Variants in HEATR1 observed in about 807,000 individuals in gnomAD.
HEATR1 encodes the protein HEAT repeat containing 1.
In HEATR1, 77 loss-of-function variants were observed where a neutral mutation model predicts 248.2. The observed-to-expected ratio is 0.31, with a 90% CI of 0.26 to 0.37. The LOEUF is 0.37. Ranked by LOEUF, HEATR1 falls within the 10% of genes least tolerant of loss-of-function variation. HEATR1 has a pLI of 1.00. For missense variants in HEATR1, 2,420 were observed against 2,504.9 expected (o/e 0.97, Z 0.72); for synonymous variants, 897 against 923.1 (o/e 0.97, Z 0.51).
At chr1:236,589,657 A>T (rs1221053299) in intron 12 of HEATR1, among the ~76,000 whole-genome samples, 5 of 152,212 alleles carry the variant, frequency 3.3e-5, no homozygotes, top group Admixed American at 1.3e-4. Context: ...AATTGCTATG[A>T]CACAAGTTCT....
chr1:236,564,408 G>A, intron 32 of HEATR1, 90 bp downstream of exon 32: 2 of 1,124,702 alleles, frequency 1.8e-6, no homozygotes, highest in Non-Finnish European at 2.5e-6. Flanking sequence ...ATTTTCATGA[G>A]CCATTTACCA....
chr1:236,566,796 C>T lies in HEATR1; in HGVS notation c.4158G>A (p.Ala1386=), dbSNP rs201057500. 1.7e-5 allele frequency: 28 copies of T among 1,614,064 alleles called. No homozygotes were observed. Among genetic ancestry groups the T allele is most frequent in the African/African-American group, 1.2e-4 (9 of 75,020 alleles). ...VVKIISVFVD[A]LPHVPEHRRL... is the part of the protein sequence containing the mutation. ...GCCTGTGCTCCGGGACGTGTGGCAG[C>T]GCATCCACAAATACACTAATGATTT... is the stretch of plus-strand genomic sequence containing the variant. The change falls in exon 30 of 45, where the codon GCG becomes GCA. Residue 1386 remains alanine, a synonymous_variant. Coordinates refer to ENST00000366582, the MANE Select transcript of HEATR1 (RefSeq NM_018072.6).
At chr1:236,594,984 G>C (rs1017683023) in intron 8 of HEATR1, among the ~76,000 whole-genome samples, 1 of 152,040 alleles carries the variant, frequency 6.6e-6, no homozygotes, top group Non-Finnish European at 1.5e-5. Context: ...TATTTTTGTA[G>C]AGACGGGGTT....
intron 12 of HEATR1, 36 bp downstream of exon 12, chr1:236,590,811 A>C (rs750032705): frequency 2.5e-6 from 3 of 1,176,928 alleles, no homozygotes; most frequent in Non-Finnish European, 3.5e-6. Flanking sequence ...CATCATAAGA[A>C]AAAAAAACCA....
At chr1:236,559,527 TAAGG>T (rs2103126530) in intron 34 of HEATR1, among the ~76,000 whole-genome samples, 183 bp downstream of exon 34, 1 of 152,350 alleles carries the variant, frequency 6.6e-6, no homozygotes, top group South Asian at 2.1e-4. Flanking sequence ...TCATAACTGG[TAAGG>T]AAACAATTTT....
intron 31 of HEATR1, among the ~76,000 whole-genome samples, chr1:236,565,357 A>G (rs560266210): frequency 1.3e-5 from 2 of 152,264 alleles, no homozygotes; most frequent in East Asian, 1.9e-4. Context: ...GCGTCTTACT[A>G]TGTTGCTCAG....
Position 236,549,324 on chromosome 1 carries a change from T to A in HEATR1, c.*1578A>T, listed in dbSNP as rs1243326371. 1 of 208,902 alleles carries A rather than the reference T, an allele frequency of 4.8e-6. No homozygotes were observed. The highest frequency in any genetic ancestry group is 9.5e-6 in the Non-Finnish European group (1 of 105,704). The allele number at this position is 208,902 out of a possible 1,614,324, so 12.9% of individuals were successfully genotyped here. ...TTGAGGGGAGTTGGCAGAAGTTCCA[T>A]GTATATGGGATCTTTACAGGTCAGA... is the stretch of plus-strand genomic sequence containing the variant. On this transcript the variant is annotated 3_prime_UTR_variant, in exon 45 of 45. Transcript: ENST00000366582.
chr1:236,558,061 C>T (rs561396899), intron 36 of HEATR1, among the ~76,000 whole-genome samples, 176 bp downstream of exon 36: 1 of 152,124 alleles, frequency 6.6e-6, no homozygotes, highest in African/African-American at 2.4e-5. Flanking sequence ...GCCTTGGCCT[C>T]CCAAAGTGGT....
intron 35 of HEATR1, 146 bp from the exon 36 acceptor site, chr1:236,558,675 T>C: frequency 1.2e-6 from 1 of 828,432 alleles, no homozygotes. Context: ...ATGTGCATGT[T>C]CTAGCCAGTG....
At chr1:236,551,905 T>C in intron 44 of HEATR1, 94 bp downstream of exon 44, 1 of 819,758 alleles carries the variant, frequency 1.2e-6, no homozygotes, top group South Asian at 1.5e-5. Context: ...AGTCACGTTA[T>C]ATCCAAATCT....
At chr1:236,566,565 C>T (rs1231567198) in intron 30 of HEATR1, 81 bp downstream of exon 30, 1 of 994,012 alleles carries the variant, frequency 1.0e-6, no homozygotes, top group African/African-American at 1.6e-5. Flanking sequence ...GCATCATCAG[C>T]CCCATGTTTA....
intron 21 of HEATR1, 27 bp from the exon 22 acceptor site, chr1:236,576,404 A>T (rs751039406): frequency 5.3e-6 from 8 of 1,509,742 alleles, no homozygotes; most frequent in Non-Finnish European, 5.4e-6. Context: ...AAAATTGGAT[A>T]AAAAAGGGTT....
Position 236,553,685 on chromosome 1 carries a change from G to C in HEATR1, c.6133C>G (p.Leu2045Val), listed in dbSNP as rs139022059. The change falls in exon 43 of 45, where the codon CTG (leucine) becomes GTG (valine). Residue 2045 changes from leucine to valine, a missense_variant. Transcript: ENST00000366582. ...EKFQERVTKH[L>V]IPCIAQFSVA... ...GAAAACTGTGCGATGCATGGTATCAGGTGCTTTGTCACCCGTTCCTGGAAT... is the reference window on the plus strand; with the variant it reads ...GAAAACTGTGCGATGCATGGTATCACGTGCTTTGTCACCCGTTCCTGGAAT... The C allele has an allele frequency of 8.7e-6, 14 of 1,613,684 alleles. No individual in the cohort carries two copies. The highest frequency in any genetic ancestry group is 6.7e-5 in the African/African-American group (5 of 74,902).
Position 236,576,917 on chromosome 1 carries a change from G to A in HEATR1, c.2788C>T (p.Pro930Ser), listed in dbSNP as rs756136936. 6.8e-6 allele frequency: 11 copies of A among 1,609,664 alleles called. No homozygotes were observed. The highest frequency in any genetic ancestry group is 1.7e-5 in the Admixed American group (1 of 59,154). The change falls in exon 21 of 45, where the codon CCC (proline) becomes TCC (serine). Residue 930 changes from proline to serine, a missense_variant. Physicochemically the swap from Pro to Ser is moderately conservative, Grantham distance 74 (BLOSUM62 -1). Transcript: ENST00000366582. ...GCAGCCCTACGAACTTCTTTTACGG[G>A]GCTTCCCAGGTTAATGAGTAAAGAT... ...VTSLLINLGS[P>S]VKEVRRAAIQ...
chr1:236,567,678 T>C lies in HEATR1; in HGVS notation c.4078-802A>G, dbSNP rs530906019. Among the ~76,000 whole-genome samples the C allele has an allele frequency of 4.6e-5, 7 of 151,992 alleles. No homozygotes were observed. In the East Asian group the frequency reaches 1.4e-3, roughly 29 times the overall value. On this transcript the variant is annotated intron_variant, in intron 29 of 44. Transcript: ENST00000366582. ...GACCCAAGATCATGCCATTGCACTC[T>C]AGCCTGGGCAACAAGAGCAAAACTC...
rs140846433 is a variant in HEATR1 at position 236,558,445 on chromosome 1, T to C, written c.4996A>G (p.Asn1666Asp). Residue 1666 changes from asparagine to aspartate, a missense_variant, in exon 36 of 45, where the codon AAC becomes GAC. Asn to Asp is a conservative substitution (Grantham distance 23). Coordinates refer to ENST00000366582, the MANE Select transcript of HEATR1 (RefSeq NM_018072.6). ...KKEGEEEQAI[N>D]RQTALYTLKL... ...AAGGTATACAACGCTGTCTGTCTGT[T>C]GATTGCTTGTTCTTCTTCCCCTTCC... The C allele has an allele frequency of 2.3e-4, 371 of 1,614,114 alleles. No individual in the cohort carries two copies. The highest frequency in any genetic ancestry group is 2.9e-4 in the Non-Finnish European group (341 of 1,180,030).
chr1:236,566,533 G>T, intron 30 of HEATR1, 113 bp downstream of exon 30: 2 of 791,762 alleles, frequency 2.5e-6, no homozygotes, highest in Non-Finnish European at 4.0e-6. Context: ...TGAGCAAAAA[G>T]GTTCTAAATA....
At chr1:236,592,906 T>C (rs1028098537) in intron 9 of HEATR1, among the ~76,000 whole-genome samples, 1 of 152,162 alleles carries the variant, frequency 6.6e-6, no homozygotes, top group Non-Finnish European at 1.5e-5. Flanking sequence ...TAAGACTACA[T>C]TGCTATTTTA....
chr1:236,556,404 G>A, intron 37 of HEATR1, 146 bp from the exon 38 acceptor site: 1 of 843,254 alleles, frequency 1.2e-6, no homozygotes, highest in African/African-American at 1.7e-5. Context: ...TTTAAAGTCA[G>A]CCCTAAACGT....
Sources: gnomAD v4.1 joint callset for allele counts (sites outside exome capture counted in the v4.1 genomes callset) on GRCh38, gnomAD v4.1.1 for gene constraint, MANE v1.5 for transcripts, NCBI Gene and HGNC (gene_info 2026-07-23, HGNC 2026-07-21) for gene names.